Variants in INPP5D observed in about 807,000 individuals in gnomAD.
INPP5D encodes inositol polyphosphate-5-phosphatase D.
Under a neutral mutation model 122.9 loss-of-function variants are expected in INPP5D, and 33 were observed. The observed-to-expected ratio is 0.27, with a 90% CI of 0.20 to 0.36. The LOEUF (loss-of-function observed/expected upper bound fraction) is 0.36. Ranked by LOEUF, INPP5D falls within the 10% of genes least tolerant of loss-of-function variation. INPP5D has a pLI of 1.00. For missense variants in INPP5D, 1,053 were observed against 1,412.7 expected (o/e 0.75, Z 4.08); for synonymous variants, 584 against 576.2 (o/e 1.01, Z -0.19).
At chr2:233,184,090 C>G (rs1694848412) in intron 19 of INPP5D, among the ~76,000 whole-genome samples, 1 of 152,188 alleles carries the variant, frequency 6.6e-6, no homozygotes, top group Non-Finnish European at 1.5e-5. Flanking sequence ...TTTGCTGGAA[C>G]TAGCTGGGAG....
intron 1 of INPP5D, among the ~76,000 whole-genome samples, chr2:233,068,510 G>A (rs1691288798): frequency 6.6e-6 from 1 of 152,070 alleles, no homozygotes; most frequent in Non-Finnish European, 1.5e-5. Flanking sequence ...CAGGAGAATT[G>A]CTTGAACCCA....
intron 2 of INPP5D, among the ~76,000 whole-genome samples, chr2:233,094,033 G>A (rs1364746599): frequency 6.6e-6 from 1 of 152,094 alleles, no homozygotes; most frequent in African/African-American, 2.4e-5. Context: ...CTCTACAGCT[G>A]TGCTGGCCAG....
At chr2:233,150,019 G>C (rs1025867352) in intron 9 of INPP5D, among the ~76,000 whole-genome samples, 11 of 152,146 alleles carry the variant, frequency 7.2e-5, no homozygotes, top group African/African-American at 2.7e-4. Flanking sequence ...ATAGCATCAT[G>C]GTGGCCCCTG....
chr2:233,188,651 T>G lies in INPP5D; in HGVS notation c.2359-1199T>G, dbSNP rs1220419319. Among the ~76,000 whole-genome samples, 1 of 152,172 alleles carries G rather than the reference T, an allele frequency of 6.6e-6. No homozygotes were observed. The highest frequency in any genetic ancestry group is 1.5e-5 in the Non-Finnish European group (1 of 68,030). ...ATCTCGGCTCACTGCAACCTCCGCC[T>G]CCAAGGTTCAAGCGATTTGCCTGTC... On this transcript the variant is annotated intron_variant, in intron 21 of 26. Transcript: ENST00000445964. This position sits in a 1 kb window ranked among gnomAD's most constrained non-coding sequence, Gnocchi z 4.7.
intron 2 of INPP5D, among the ~76,000 whole-genome samples, chr2:233,085,691 C>G (rs929616330): frequency 3.9e-5 from 6 of 152,234 alleles, no homozygotes; most frequent in African/African-American, 1.4e-4. Flanking sequence ...GCCAAGCCTC[C>G]CCCCGTTTTC....
chr2:233,123,450 C>T (rs1693054820), intron 3 of INPP5D, among the ~76,000 whole-genome samples: 1 of 106,766 alleles, frequency 9.4e-6, no homozygotes, highest in Non-Finnish European at 2.0e-5. Context: ...GAGACTCCGT[C>T]TCAAAAAAAA....
intron 5 of INPP5D, among the ~76,000 whole-genome samples, chr2:233,139,535 G>C (rs1193703871): frequency 6.6e-6 from 1 of 151,078 alleles, no homozygotes; most frequent in African/African-American, 2.5e-5. Flanking sequence ...GGGAACCATG[G>C]ATAACTAAGT....
In INPP5D at chr2:233,188,494, C is replaced by T. The variant is rs1313979386; in HGVS notation, c.2359-1356C>T. Reference sequence around the variant, plus strand: ...CCTGACATCACCTCATGCCAGGAGCCAAGTGATAATTGGTGCAGCTGTAGA... The same window carrying T: ...CCTGACATCACCTCATGCCAGGAGCTAAGTGATAATTGGTGCAGCTGTAGA... On this transcript the variant is annotated intron_variant, in intron 21 of 26. Transcript: ENST00000445964. This position sits in a 1 kb window ranked among gnomAD's most constrained non-coding sequence, Gnocchi z 4.7. Among the ~76,000 whole-genome samples the T allele has an allele frequency of 6.6e-6, 1 of 152,156 alleles. No individual in the cohort carries two copies.
At chr2:233,198,417 T>G (rs751853099) in intron 25 of INPP5D, 41 bp downstream of exon 25, 3 of 1,577,716 alleles carry the variant, frequency 1.9e-6, no homozygotes, top group Non-Finnish European at 2.6e-6. Flanking sequence ...TCCCTCCTTA[T>G]GAAAGCGCCC....
intron 2 of INPP5D, among the ~76,000 whole-genome samples, chr2:233,117,623 G>C (rs193057584): frequency 1.3e-5 from 2 of 152,108 alleles, no homozygotes; most frequent in African/African-American, 4.8e-5. Flanking sequence ...ATGAGTTCGG[G>C]GGGGCTGTAC....
At chr2:233,122,712 C>A (rs1693026215) in intron 3 of INPP5D, among the ~76,000 whole-genome samples, 1 of 152,092 alleles carries the variant, frequency 6.6e-6, no homozygotes, top group South Asian at 2.1e-4. Context: ...GAGGCCGAGG[C>A]AGGAGGATCC....
intron 26 of INPP5D, 128 bp downstream of exon 26, chr2:233,204,845 A>G (rs558375648): frequency 8.2e-7 from 1 of 1,224,862 alleles, no homozygotes; most frequent in Non-Finnish European, 1.1e-6. Flanking sequence ...TGCATGTGTG[A>G]ACGCATGCAT....
At chr2:233,146,329 T>C in intron 7 of INPP5D, 38 bp from the exon 8 acceptor site, 2 of 704,262 alleles carry the variant, frequency 2.8e-6, no homozygotes, top group Non-Finnish European at 5.2e-6. Context: ...AGGCTCGGCG[T>C]CCCCTTGACC....
rs574989226 is a variant in INPP5D at position 233,125,925 on chromosome 2, TC to T, written c.524+10del. Reference sequence around the variant, plus strand: ...CAAAGCATGGACACCAGTGGGTGAGTCCCCACTCAAGTCCAGCTGGGCCTTC... The same window carrying T: ...CAAAGCATGGACACCAGTGGGTGAGTCCCACTCAAGTCCAGCTGGGCCTTC... On this transcript the variant is annotated splice_region_variant and intron_variant, in intron 4 of 26. Transcript: ENST00000445964. 1,733 of 1,610,800 alleles carry T rather than the reference TC, an allele frequency of 1.1e-3. 8 individuals are homozygous for T. In the Admixed American group the frequency reaches 0.019, roughly 18 times the overall value.
At chr2:233,159,838 G>A (rs1455188948) in intron 10 of INPP5D, among the ~76,000 whole-genome samples, 4 of 152,146 alleles carry the variant, frequency 2.6e-5, no homozygotes, top group African/African-American at 9.7e-5. Context: ...TTCCCACTGA[G>A]TGCCCAGTCT....
chr2:233,089,705 C>T (rs913413991), intron 2 of INPP5D, among the ~76,000 whole-genome samples: 9 of 152,226 alleles, frequency 5.9e-5, no homozygotes, highest in East Asian at 1.9e-4. Flanking sequence ...TAGAGATTCC[C>T]GGCAGCTCAT....
At chr2:233,062,216 C>T (rs1042247016) in intron 1 of INPP5D, among the ~76,000 whole-genome samples, 7 of 152,202 alleles carry the variant, frequency 4.6e-5, no homozygotes, top group South Asian at 2.1e-4. Flanking sequence ...TTGGCTGAGC[C>T]GAGGGCTTCC....
At chr2:233,169,744 C>A (rs1295192745) in intron 14 of INPP5D, 4 of 593,304 alleles carry the variant, frequency 6.7e-6, no homozygotes, top group Non-Finnish European at 1.2e-5. Flanking sequence ...TGAAGACAGC[C>A]ATCTAGAATC....
intron 17 of INPP5D, among the ~76,000 whole-genome samples, chr2:233,175,969 A>G (rs537979395): frequency 6.6e-6 from 1 of 152,356 alleles, no homozygotes; most frequent in South Asian, 2.1e-4. Flanking sequence ...GGCATGAGCC[A>G]CCATGCCCAG....
Sources: gnomAD v4.1 joint callset for allele counts (sites outside exome capture counted in the v4.1 genomes callset) on GRCh38, gnomAD v4.1.1 for gene constraint, Gnocchi (gnomAD v3.1) non-coding constraint, MANE v1.5 for transcripts, NCBI Gene and HGNC (gene_info 2026-07-23, HGNC 2026-07-21) for gene names.